STN1: variants seen among roughly 807,000 people sequenced by gnomAD.
STN1 encodes the protein CST complex subunit STN1.
STN1 carries 29 observed loss-of-function variants against 45.5 expected under a neutral mutation model. The observed-to-expected ratio is 0.64, with a 90% confidence interval of 0.47 to 0.87. The LOEUF is 0.87. Ranked by LOEUF, STN1 falls within the 40% of genes least tolerant of loss-of-function variation. The pLI, the probability that STN1 is intolerant of heterozygous loss-of-function variation, is 0.00. For missense variants in STN1, 376 were observed against 441.4 expected (o/e 0.85, Z 1.33); for synonymous variants, 148 against 159.0 (o/e 0.93, Z 0.52).
At chr10:103,910,487 C>G in intron 3 of STN1, 40 bp downstream of exon 3, 1 of 1,377,482 alleles carries the variant, frequency 7.3e-7, no homozygotes, top group Middle Eastern at 1.8e-4. Flanking sequence ...GAAGGGTCAG[C>G]CTTCTACATC....
In STN1 at chr10:103,882,817, A is replaced by G; in HGVS notation, c.974T>C (p.Leu325Pro). ...PNHMEKGCHFLHILACARLSI... is the reference protein window; with the variant it reads ...PNHMEKGCHFPHILACARLSI... ...CAGGCGAGCACAGGCCAAGATGTGC[A>G]GGAAGTGACAGCCCTTCTCCATGTC... The change falls in exon 10 of 10, where the codon CTG becomes CCG. Residue 325 changes from leucine to proline, a missense_variant. Leu to Pro is a moderately conservative substitution (Grantham distance 98). Coordinates refer to ENST00000224950, the MANE Select transcript of STN1 (RefSeq NM_024928.5). The G allele has an allele frequency of 6.2e-7, 1 of 1,613,324 alleles. No homozygotes were observed. The highest frequency in any genetic ancestry group is 8.5e-7 in the Non-Finnish European group (1 of 1,179,502).
chr10:103,910,966 A>G (rs1293159762), intron 2 of STN1, among the ~76,000 whole-genome samples: 2 of 151,174 alleles, frequency 1.3e-5, no homozygotes, highest in Non-Finnish European at 2.9e-5. Context: ...CTATATTTGA[A>G]GCAACTAGAA....
chr10:103,886,049 T>TTA (rs1265835461), intron 9 of STN1, among the ~76,000 whole-genome samples: 1 of 152,204 alleles, frequency 6.6e-6, no homozygotes, highest in Non-Finnish European at 1.5e-5. Context: ...AAGGTTAAAC[T>TTA]TCTTTAAGTC....
intron 3 of STN1, among the ~76,000 whole-genome samples, chr10:103,909,476 A>G (rs1430180613): frequency 1.7e-4 from 18 of 104,144 alleles, no homozygotes; most frequent in Non-Finnish European, 2.8e-4. Flanking sequence ...ATATGTATAT[A>G]TGTATATATA....
chr10:103,882,678 C>T lies in STN1; in HGVS notation c.*6G>A. ...TGTCCTCCTCAGCTGGTCTGCGTGTCTCTGCTCAGAACGCTGTGTAGTAGT... is the reference window on the plus strand; with the variant it reads ...TGTCCTCCTCAGCTGGTCTGCGTGTTTCTGCTCAGAACGCTGTGTAGTAGT... On this transcript the variant is annotated 3_prime_UTR_variant, in exon 10 of 10. Transcript: ENST00000224950. The T allele has an allele frequency of 6.2e-7, 1 of 1,602,284 alleles. No homozygotes were observed. The highest frequency in any genetic ancestry group is 8.5e-7 in the Non-Finnish European group (1 of 1,172,566).
At chr10:103,908,222 A>C (rs1843256357) in intron 3 of STN1, among the ~76,000 whole-genome samples, 1 of 152,062 alleles carries the variant, frequency 6.6e-6, no homozygotes, top group African/African-American at 2.4e-5. Context: ...TCTAGGTCTA[A>C]GCTCGAGTTG....
At position 103,881,149 on chromosome 10, in the gene STN1, A is replaced by C. The variant is rs775330394; in HGVS notation, c.*1535T>G. Among the ~76,000 whole-genome samples, 1 of 152,096 alleles carries C rather than the reference A, an allele frequency of 6.6e-6. No individual in the cohort carries two copies. The highest frequency in any genetic ancestry group is 6.5e-5 in the Admixed American group (1 of 15,280). ...AAGAACCGTAATTAACTTTTTCCCT[A>C]TAGGTATTTTCCCCAATATAGAATT... On this transcript the variant is annotated 3_prime_UTR_variant, in exon 10 of 10. Coordinates refer to ENST00000224950, the MANE Select transcript of STN1 (RefSeq NM_024928.5).
chr10:103,889,501 T>C lies in STN1; in HGVS notation c.877-357A>G, dbSNP rs1197345985. ...AGGCCTCCAATCTCCACCCCATGAC[T>C]CCTTCTTCTGGGCCCTGACACCTGT... On this transcript the variant is annotated intron_variant, in intron 8 of 9. Transcript: ENST00000224950. Among the ~76,000 whole-genome samples, 11 of 151,294 alleles carry C rather than the reference T, an allele frequency of 7.3e-5. No homozygotes were observed. In the East Asian group the frequency reaches 2.1e-3, roughly 29 times the overall value.
chr10:103,912,238 C>T (rs2475219), intron 2 of STN1, among the ~76,000 whole-genome samples: 151,634 of 152,216 alleles, frequency 1, 75,536 homozygotes, highest in Middle Eastern at 1. Context: ...TAAAATTTTT[C>T]ATAGAGATGG....
At position 103,898,984 on chromosome 10, in the gene STN1, T is replaced by C. The variant is rs1282483936; in HGVS notation, c.474A>G (p.Pro158=). Reference sequence around the variant, plus strand: ...TCCTTGCAATTTGAATGTTCCACACTGGGTCGTCCACTTTATCTAACAAGT... The same window carrying C: ...TCCTTGCAATTTGAATGTTCCACACCGGGTCGTCCACTTTATCTAACAAGT... ...HATTYYKVDD[P]VWNIQIARML... The change falls in exon 6 of 10, where the codon CCA becomes CCG. Residue 158 remains proline (P), a synonymous_variant. Transcript: ENST00000224950. 1 of 1,614,156 alleles carries C rather than the reference T, an allele frequency of 6.2e-7. No individual in the cohort carries two copies. Among genetic ancestry groups the C allele is most frequent in the Admixed American group, 1.7e-5 (1 of 60,020 alleles).
In STN1 at chr10:103,879,359, G is replaced by A. The variant is rs1264828807; in HGVS notation, c.*3325C>T. On this transcript the variant is annotated 3_prime_UTR_variant, in exon 10 of 10. Coordinates refer to ENST00000224950, the MANE Select transcript of STN1 (RefSeq NM_024928.5). The stretch of plus-strand genomic sequence containing the variant: ...AGTGTGTTAGGCAGTATCAAGTACT[G>A]TGAAGAAAAACGAAGTAGGAAAGGG... 2.0e-5 allele frequency: 3 copies of A among 152,450 alleles called. No homozygotes were observed. Among genetic ancestry groups the A allele is most frequent in the Non-Finnish European group, 4.4e-5 (3 of 68,196 alleles). The allele number at this position is 152,450 out of a possible 1,614,324, so 9.4% of individuals were successfully genotyped here.
Position 103,917,473 on chromosome 10 carries a change from C to T in STN1, c.122G>A (p.Arg41His), listed in dbSNP as rs1843341471. 2 of 1,613,130 alleles carry T rather than the reference C, an allele frequency of 1.2e-6. No homozygotes were observed. Among genetic ancestry groups the T allele is most frequent in the South Asian group, 2.2e-5 (2 of 91,048 alleles). ...GGCTAGCCACATACCTGGCACCTGG[C>T]GGGACTCCTTCATGTCCAGGATATC... Reference protein sequence around the residue: ...IRDILDMKESRQVPGVFLYNG... With the variant: ...IRDILDMKESHQVPGVFLYNG... Residue 41 changes from arginine (R) to histidine (H), a missense_variant, in exon 2 of 10, where the codon CGC (arginine) becomes CAC (histidine). Arg to His is a conservative substitution (Grantham distance 29). Transcript: ENST00000224950.
In STN1 at chr10:103,882,141, A is replaced by T. The variant is rs1166958083; in HGVS notation, c.*543T>A. Among the ~76,000 whole-genome samples, 1 of 151,616 alleles carries T rather than the reference A, an allele frequency of 6.6e-6. No individual in the cohort carries two copies. The highest frequency in any genetic ancestry group is 1.5e-5 in the Non-Finnish European group (1 of 67,928). On this transcript the variant is annotated 3_prime_UTR_variant, in exon 10 of 10. Coordinates refer to ENST00000224950, the MANE Select transcript of STN1 (RefSeq NM_024928.5). ...GTAAAGAGCATCGACCCAGGTCTCA[A>T]CCCCACTGCTGGTAACTGAGCCACA...
At chr10:103,911,019 T>TA (rs1843287142) in intron 2 of STN1, among the ~76,000 whole-genome samples, 1 of 151,046 alleles carries the variant, frequency 6.6e-6, no homozygotes, top group Non-Finnish European at 1.5e-5. Flanking sequence ...TTTGGCTTTT[T>TA]TTTTTTTTCA....
At chr10:103,909,436 A>ATATG (rs1843270279) in intron 3 of STN1, among the ~76,000 whole-genome samples, 3 of 49,874 alleles carry the variant, frequency 6.0e-5, no homozygotes, top group Non-Finnish European at 1.1e-4. Context: ...ATATATATGT[A>ATATG]TATATATGTA....
rs887094212 is a variant in STN1 at position 103,911,620 on chromosome 10, G to A, written c.134-998C>T. Among the ~76,000 whole-genome samples, 11 of 152,050 alleles carry A rather than the reference G, an allele frequency of 7.2e-5. 1 individual carries two copies. The highest frequency in any genetic ancestry group is 2.6e-4 in the Admixed American group (4 of 15,268). Reference sequence around the variant, plus strand: ...TGGTCTTGAACTCCCGGCCTCAAGCGATCCTCCCACCTTGGTGTCTCAAAG... The same window carrying A: ...TGGTCTTGAACTCCCGGCCTCAAGCAATCCTCCCACCTTGGTGTCTCAAAG... On this transcript the variant is annotated intron_variant, in intron 2 of 9. Coordinates refer to ENST00000224950, the MANE Select transcript of STN1 (RefSeq NM_024928.5).
intron 2 of STN1, among the ~76,000 whole-genome samples, chr10:103,914,129 A>C (rs914211264): frequency 6.6e-6 from 1 of 152,058 alleles, no homozygotes; most frequent in Admixed American, 6.5e-5. Context: ...CACCTAAGAT[A>C]ATCTTTTTCA....
intron 8 of STN1, among the ~76,000 whole-genome samples, chr10:103,891,520 G>A (rs1266490518): frequency 6.6e-6 from 1 of 152,168 alleles, no homozygotes; most frequent in Non-Finnish European, 1.5e-5. Flanking sequence ...TAAATATCCT[G>A]CAATGCACAG....
intron 4 of STN1, among the ~76,000 whole-genome samples, chr10:103,900,462 G>A (rs759094746): frequency 2.0e-5 from 3 of 152,118 alleles, no homozygotes; most frequent in South Asian, 4.1e-4. Context: ...GAGGTCCAGC[G>A]GGCAAGTTCC....
Sources: allele counts gnomAD v4.1 joint callset (sites outside exome capture counted in the v4.1 genomes callset), GRCh38; gene constraint gnomAD v4.1.1; transcripts MANE v1.5; gene names NCBI Gene and HGNC (gene_info 2026-07-23, HGNC 2026-07-21).